FAM107B: variants seen among roughly 807,000 people sequenced by gnomAD.
FAM107B encodes family with sequence similarity 107 member B, also known as protein FAM107B.
Under a neutral mutation model 31.5 loss-of-function variants are expected in FAM107B, and 21 were observed. The ratio of observed to expected loss-of-function variants is 0.67; its 90% CI spans 0.47 to 0.96. The LOEUF (loss-of-function observed/expected upper bound fraction) is 0.96. Among genes scored for constraint, FAM107B ranks in the 40% least tolerant of loss-of-function variants. The pLI is 0.00. For missense variants in FAM107B, 452 were observed against 377.1 expected (o/e 1.20, Z -1.64); for synonymous variants, 157 against 141.5 (o/e 1.11, Z -0.78).
At chr10:14,697,494 A>G (rs553023582) in intron 1 of FAM107B, among the ~76,000 whole-genome samples, 4 of 152,362 alleles carry the variant, frequency 2.6e-5, no homozygotes, top group African/African-American at 9.6e-5. Context: ...GCTGCAAACA[A>G]TGTGTAAACT....
intron 2 of FAM107B, among the ~76,000 whole-genome samples, chr10:14,601,291 G>A (rs1042107444): frequency 6.6e-5 from 10 of 152,098 alleles, no homozygotes; most frequent in East Asian, 3.9e-4. Flanking sequence ...ATGGGGTACC[G>A]GAATTAGGGA....
At position 14,577,362 on chromosome 10, in the gene FAM107B, G is replaced by A. The variant is rs529475856; in HGVS notation, c.470-46847C>T. The stretch of plus-strand genomic sequence containing the variant: ...AATCATGTTCTAATAACGTATTCTC[G>A]ATGTGTGCTTACCAAGGTGTTTCTC... On this transcript the variant is annotated intron_variant, in intron 2 of 4. Transcript: ENST00000181796. Among the ~76,000 whole-genome samples the A allele has an allele frequency of 1.8e-4, 28 of 152,284 alleles. No homozygotes were observed. The South Asian group carries it at 4.6e-3, about 25-fold the overall frequency.
At chr10:14,666,967 C>G (rs1474780247) in intron 2 of FAM107B, among the ~76,000 whole-genome samples, 1 of 152,144 alleles carries the variant, frequency 6.6e-6, no homozygotes, top group Non-Finnish European at 1.5e-5. Context: ...ACGTCTGGAG[C>G]CATCTTCTAA....
At chr10:14,538,223 A>G (rs1265175457) in intron 2 of FAM107B, among the ~76,000 whole-genome samples, 1 of 152,374 alleles carries the variant, frequency 6.6e-6, no homozygotes, top group East Asian at 1.9e-4. Flanking sequence ...CAGGAAAGAC[A>G]TATTTCATTA....
intron 2 of FAM107B, among the ~76,000 whole-genome samples, chr10:14,569,401 ATG>A (rs141940809): frequency 6.6e-6 from 1 of 150,908 alleles, no homozygotes; most frequent in Non-Finnish European, 1.5e-5. Context: ...TTGTGCACAT[ATG>A]TGTGTGTGTG....
chr10:14,559,750 T>G (rs1014880140), intron 2 of FAM107B, among the ~76,000 whole-genome samples: 78 of 151,640 alleles, frequency 5.1e-4, no homozygotes, highest in African/African-American at 1.9e-3. Flanking sequence ...TTTTTTTTTT[T>G]TTTTGTATTT....
At chr10:14,588,149 G>C (rs971711516) in intron 2 of FAM107B, among the ~76,000 whole-genome samples, 1 of 152,088 alleles carries the variant, frequency 6.6e-6, no homozygotes, top group East Asian at 1.9e-4. Context: ...TTTGAAATTA[G>C]TCAGCCATGT....
intron 1 of FAM107B, among the ~76,000 whole-genome samples, chr10:14,736,402 T>G (rs1318678893): frequency 6.6e-6 from 1 of 152,230 alleles, no homozygotes; most frequent in Non-Finnish European, 1.5e-5. Context: ...AGACCTCTGG[T>G]GATTTGAGTA....
At chr10:14,658,007 T>G (rs1357233126) in intron 2 of FAM107B, among the ~76,000 whole-genome samples, 1 of 152,008 alleles carries the variant, frequency 6.6e-6, no homozygotes, top group Non-Finnish European at 1.5e-5. Flanking sequence ...GGTTGGGGTT[T>G]TGTCATGTTG....
intron 1 of FAM107B, among the ~76,000 whole-genome samples, chr10:14,742,283 A>AT (rs113119651): frequency 0.031 from 4,279 of 139,814 alleles, 129 homozygotes; most frequent in East Asian, 0.17. Flanking sequence ...CACCCAGCTC[A>AT]TTTTTTTTTT....
At position 14,737,251 on chromosome 10, in the gene FAM107B, G is replaced by A. The variant is rs570251869; in HGVS notation, c.411+37002C>T. 3.3e-5 allele frequency among the ~76,000 whole-genome samples: 5 copies of A among 152,080 alleles called. No homozygotes were observed. In the East Asian group the frequency reaches 9.7e-4, roughly 29 times the overall value. ...CAGAGGGGGAGTTGGGATGATATGGGGAGAAAAAGGAGGTGAGAGAGAAAG... is the reference window on the plus strand; with the variant it reads ...CAGAGGGGGAGTTGGGATGATATGGAGAGAAAAAGGAGGTGAGAGAGAAAG... On this transcript the variant is annotated intron_variant, in intron 1 of 4. Coordinates refer to ENST00000181796, the MANE Select transcript of FAM107B (RefSeq NM_031453.4).
At chr10:14,705,060 AT>A (rs1855489947) in intron 1 of FAM107B, among the ~76,000 whole-genome samples, 1 of 149,894 alleles carries the variant, frequency 6.7e-6, no homozygotes. Flanking sequence ...AAGGACTTGA[AT>A]AAACATTTCT....
chr10:14,577,452 C>T (rs1014480582), intron 2 of FAM107B, among the ~76,000 whole-genome samples: 3 of 152,172 alleles, frequency 2.0e-5, no homozygotes, highest in African/African-American at 4.8e-5. Context: ...AGCGAGCTTA[C>T]GTTTGCCTTT....
At chr10:14,671,971 C>T (rs991732757) in intron 1 of FAM107B, among the ~76,000 whole-genome samples, 4 of 151,472 alleles carry the variant, frequency 2.6e-5, no homozygotes, top group African/African-American at 9.7e-5. Flanking sequence ...AGAATGAGTC[C>T]TAACTGATAC....
At chr10:14,671,142 C>T (rs763641139) in intron 1 of FAM107B, among the ~76,000 whole-genome samples, 1 of 152,164 alleles carries the variant, frequency 6.6e-6, no homozygotes, top group Non-Finnish European at 1.5e-5. Context: ...CCTTCCCCAC[C>T]ATCCCACTCC....
chr10:14,706,053 C>T (rs544519235), intron 1 of FAM107B, among the ~76,000 whole-genome samples: 56 of 152,290 alleles, frequency 3.7e-4, no homozygotes, highest in Non-Finnish European at 6.9e-4. Context: ...TGATTTACAA[C>T]CCAGACCACT....
chr10:14,619,626 T>C (rs747050002), intron 2 of FAM107B, among the ~76,000 whole-genome samples: 15 of 150,912 alleles, frequency 9.9e-5, no homozygotes, highest in South Asian at 6.2e-4. Context: ...TCCTTAACAA[T>C]GTATTTTGAA....
At chr10:14,652,377 T>C (rs1853923728) in intron 2 of FAM107B, among the ~76,000 whole-genome samples, 1 of 152,166 alleles carries the variant, frequency 6.6e-6, no homozygotes, top group Admixed American at 6.5e-5. Context: ...TAGAGAGAAA[T>C]TCTCAACTCT....
intron 1 of FAM107B, among the ~76,000 whole-genome samples, chr10:14,708,200 C>G (rs547556020): frequency 6.6e-6 from 1 of 152,200 alleles, no homozygotes; most frequent in Non-Finnish European, 1.5e-5. Context: ...TTCTCAGCCT[C>G]CCTGGTAGCT....
Sources: gnomAD v4.1 joint callset for allele counts (sites outside exome capture counted in the v4.1 genomes callset) on GRCh38, gnomAD v4.1.1 for gene constraint, MANE v1.5 for transcripts, NCBI Gene and HGNC (gene_info 2026-07-23, HGNC 2026-07-21) for gene names.